The following MIOS variants were observed in gnomAD, a reference collection of about 807,000 sequenced individuals.
MIOS encodes meiosis regulator for oocyte development, also known as GATOR2 complex protein MIOS.
MIOS carries 52 observed loss-of-function variants against 96.9 expected under a neutral mutation model. The ratio of observed to expected loss-of-function variants is 0.54; its 90% CI spans 0.43 to 0.68. MIOS has a LOEUF of 0.68. Among genes scored for constraint, MIOS ranks in the 30% least tolerant of loss-of-function variants. The pLI is 0.00. For missense variants in MIOS, 1,005 were observed against 1,052.8 expected (o/e 0.95, Z 0.63); for synonymous variants, 397 against 359.5 (o/e 1.10, Z -1.18).
chr7:7,589,647 T>C (rs1456195952), intron 9 of MIOS, 84 bp downstream of exon 9: 31 of 1,451,572 alleles, frequency 2.1e-5, no homozygotes, highest in Non-Finnish European at 2.7e-5. Flanking sequence ...TATGCACTTT[T>C]GCTTGCTTAG....
intron 3 of MIOS, among the ~76,000 whole-genome samples, chr7:7,568,968 G>A (rs762722478): frequency 1.3e-5 from 2 of 152,194 alleles, no homozygotes; most frequent in Non-Finnish European, 2.9e-5. Flanking sequence ...GCTAAAACTC[G>A]TATTTTATGT....
At chr7:7,601,070 G>GC (rs1554302523) in intron 11 of MIOS, among the ~76,000 whole-genome samples, 1 of 151,802 alleles carries the variant, frequency 6.6e-6, no homozygotes, top group African/African-American at 2.4e-5. Flanking sequence ...TCAAAGCAGT[G>GC]TTTAGAGGGA....
At position 7,595,088 on chromosome 7, in the gene MIOS, A is replaced by T. The variant is rs1267318174; in HGVS notation, c.2152A>T (p.Ile718Phe). 6.2e-7 allele frequency: 1 copy of T among 1,614,096 alleles called. No individual in the cohort carries two copies. The highest frequency in any genetic ancestry group is 8.5e-7 in the Non-Finnish European group (1 of 1,179,984). ...RFWHKRAEFD[I>F]HRSKLDPSSK... ...TTGGCATAAACGAGCTGAATTTGAT[A>T]TTCACAGGAGTAAGTTGGATCCCAG... is the stretch of plus-strand genomic sequence containing the variant. The change falls in exon 10 of 13, where the codon ATT becomes TTT. Residue 718 changes from isoleucine (I) to phenylalanine (F), a missense_variant. This residue lies in a region of MIOS where 865 missense variants were observed against 887.9 expected (regional missense o/e 0.97). Transcript: ENST00000340080.
intron 5 of MIOS, among the ~76,000 whole-genome samples, chr7:7,577,816 G>A (rs1783586117): frequency 1.3e-5 from 2 of 152,130 alleles, no homozygotes; most frequent in Non-Finnish European, 2.9e-5. Context: ...TGGAGAAGAG[G>A]AGAGAGAGCT....
intron 5 of MIOS, chr7:7,581,624 TTGCAAC>T (rs1318317693): frequency 2.0e-5 from 3 of 152,198 alleles, no homozygotes; most frequent in Non-Finnish European, 4.4e-5. Context: ...ATTCAGTTCC[TTGCAAC>T]TGTGGGACTG....
intron 5 of MIOS, among the ~76,000 whole-genome samples, chr7:7,581,124 A>C (rs7810367): frequency 0.96 from 145,467 of 150,890 alleles, 70,171 homozygotes; most frequent in East Asian, 1. Context: ...GACTTCGAGA[A>C]CAGCCCGGCC....
chr7:7,595,270 A>T (rs1784170676), intron 10 of MIOS, 138 bp downstream of exon 10: 2 of 917,186 alleles, frequency 2.2e-6, no homozygotes, highest in African/African-American at 3.4e-5. Context: ...TTTGTCCTTG[A>T]TCTTCCTGTC....
intron 9 of MIOS, among the ~76,000 whole-genome samples, chr7:7,593,479 G>A (rs1323594883): frequency 6.6e-6 from 1 of 152,062 alleles, no homozygotes; most frequent in Admixed American, 6.6e-5. Context: ...CCTCAAGTAG[G>A]ACTGAGAAAA....
chr7:7,606,468 A>G lies in MIOS; in HGVS notation c.2531+397A>G, dbSNP rs141663539. ...TCTCTTCTAAGTAAGCTTTTTATGT[A>G]GTCACGCAATTAAGACTGTCAAGAC... On this transcript the variant is annotated intron_variant, in intron 12 of 12. Coordinates refer to ENST00000340080, the MANE Select transcript of MIOS (RefSeq NM_019005.4). 3.8e-3 allele frequency among the ~76,000 whole-genome samples: 580 copies of G among 152,322 alleles called. 2 individuals carry two copies. The highest frequency in any genetic ancestry group is 0.019 in the South Asian group (93 of 4,830).
intron 11 of MIOS, among the ~76,000 whole-genome samples, chr7:7,596,823 T>C (rs1784215928): frequency 6.6e-6 from 1 of 152,236 alleles, no homozygotes; most frequent in South Asian, 2.1e-4. Flanking sequence ...ACAGATACTT[T>C]GTATTTCTAA....
At position 7,572,617 on chromosome 7, in the gene MIOS, G is replaced by A. The variant is rs751689193; in HGVS notation, c.142G>A (p.Asp48Asn). 5.6e-6 allele frequency: 9 copies of A among 1,613,968 alleles called. No homozygotes were observed. In the African/African-American group the frequency reaches 9.3e-5, roughly 17 times the overall value. ...AGCTGGATCTTTACGTTTATCTGAA[G>A]ACTCTGCAGCTACATTACTGTCAAT... ...LKAGSLRLSE[D>N]SAATLLSINS... is the part of the protein sequence containing the mutation. The change falls in exon 4 of 13, where the codon GAC becomes AAC. Residue 48 changes from aspartate (D) to asparagine (N), a missense_variant. By Grantham distance (23) the Asp-to-Asn change is conservative. Around this residue, in one of 3 missense-constraint regions of MIOS, gnomAD observed 137 missense variants for 148.6 expected, o/e 0.92. Transcript: ENST00000340080. The surrounding 1 kb of genome is among the most constrained non-coding windows in gnomAD (Gnocchi z 4.8).
rs545571155 is a variant in MIOS, at chr7:7,588,421, A to G, written c.1819-77A>G. The G allele has an allele frequency of 1.4e-4, 106 of 763,028 alleles. 1 individual carries two copies. Among genetic ancestry groups the G allele is most frequent in the Non-Finnish European group, 1.5e-4 (73 of 494,104 alleles). The allele number at this position is 763,028 out of a possible 1,614,324, so 47.3% of individuals were successfully genotyped here. Reference sequence around the variant, plus strand: ...AAATAAACATATTCATTTTATTTATATAAAACATTCAGTCTCTGCAAAAAT... The same window carrying G: ...AAATAAACATATTCATTTTATTTATGTAAAACATTCAGTCTCTGCAAAAAT... On this transcript the variant is annotated intron_variant, in intron 7 of 12. Transcript: ENST00000340080.
intron 8 of MIOS, among the ~76,000 whole-genome samples, chr7:7,589,014 A>G (rs183683263): frequency 6.6e-6 from 1 of 152,246 alleles, no homozygotes; most frequent in East Asian, 1.9e-4. Context: ...GGTTGAAGTC[A>G]GGGAAGACCT....
Position 7,583,120 on chromosome 7 carries a change from A to G in MIOS, c.1396A>G (p.Met466Val), listed in dbSNP as rs1229111470. Residue 466 changes from methionine to valine, a missense_variant and splice_region_variant, in exon 6 of 13, where the codon ATG (methionine) becomes GTG (valine). Met to Val is a conservative substitution (Grantham distance 21, BLOSUM62 1). Around this residue, in one of 3 missense-constraint regions of MIOS, gnomAD observed 865 missense variants for 887.9 expected, o/e 0.97. Transcript: ENST00000340080. ...IKSIVKSSLGMVESSRHNWSG... is the reference protein window; with the variant it reads ...IKSIVKSSLGVVESSRHNWSG... ...ATAAAAATGTTTTCTGTTTTTAGGAATGGTGGAAAGCAGCAGACATAATTG... is the reference window on the plus strand; with the variant it reads ...ATAAAAATGTTTTCTGTTTTTAGGAGTGGTGGAAAGCAGCAGACATAATTG... 39 of 1,599,860 alleles carry G rather than the reference A, an allele frequency of 2.4e-5. No individual in the cohort carries two copies. Among genetic ancestry groups the G allele is most frequent in the Non-Finnish European group, 3.0e-5 (35 of 1,173,954 alleles).
intron 11 of MIOS, among the ~76,000 whole-genome samples, chr7:7,598,980 T>C (rs1447562206): frequency 6.6e-6 from 1 of 152,138 alleles, no homozygotes; most frequent in East Asian, 1.9e-4. Flanking sequence ...TTTTACTTGA[T>C]ACATTAATAT....
intron 10 of MIOS, among the ~76,000 whole-genome samples, chr7:7,595,444 G>A (rs1194973969): frequency 6.6e-6 from 1 of 151,970 alleles, no homozygotes; most frequent in African/African-American, 2.4e-5. Context: ...AAGTTTTTTA[G>A]CATTATTTAT....
At chr7:7,583,803 G>A (rs1455292644) in intron 6 of MIOS, among the ~76,000 whole-genome samples, 2 of 152,134 alleles carry the variant, frequency 1.3e-5, no homozygotes, top group African/African-American at 4.8e-5. Flanking sequence ...AACTCTGAAT[G>A]ACACTTTTAT....
intron 7 of MIOS, among the ~76,000 whole-genome samples, chr7:7,587,633 A>G (rs543948862): frequency 1.3e-5 from 2 of 152,264 alleles, no homozygotes; most frequent in African/African-American, 4.8e-5. Context: ...CCAGATCAAA[A>G]TTTTGTAACA....
intron 8 of MIOS, among the ~76,000 whole-genome samples, 156 bp from the exon 9 acceptor site, chr7:7,589,249 T>C (rs937337690): frequency 2.0e-5 from 3 of 152,190 alleles, no homozygotes; most frequent in Non-Finnish European, 4.4e-5. Flanking sequence ...AAATTTGTAA[T>C]AGATGCAGAC....
Sources: allele counts gnomAD v4.1 joint callset (sites outside exome capture counted in the v4.1 genomes callset), GRCh38; gene constraint gnomAD v4.1.1; regional missense constraint gnomAD v4.1.1; non-coding constraint Gnocchi (gnomAD v3.1); transcripts MANE v1.5; gene names NCBI Gene and HGNC (gene_info 2026-07-23, HGNC 2026-07-21).